The following PRKG1 variants were observed in gnomAD, a reference collection of about 807,000 sequenced individuals.
PRKG1 encodes protein kinase cGMP-dependent 1.
Under a neutral mutation model 88.1 loss-of-function variants are expected in PRKG1, and 35 were observed. The observed-to-expected ratio is 0.40, with a 90% CI of 0.30 to 0.53. The LOEUF is 0.53. Ranked by LOEUF, PRKG1 falls within the 20% of genes least tolerant of loss-of-function variation. The probability of loss-of-function intolerance (pLI) is 0.59; values close to 1 mark genes in which losing one functional copy is unlikely to be tolerated. For synonymous variants in PRKG1, 303 were observed against 292.5 expected, an observed-to-expected ratio of 1.04 and a Z score of -0.37; for missense variants, 540 against 839.8, an observed-to-expected ratio of 0.64 and a Z score of 4.41.
intron 5 of PRKG1, among the ~76,000 whole-genome samples, chr10:51,932,724 A>G (rs1037446489): frequency 6.6e-6 from 1 of 152,074 alleles, no homozygotes; most frequent in Non-Finnish European, 1.5e-5. Context: ...GCTTGTGAAA[A>G]ATTGAGTCTT....
At chr10:52,262,464 T>C (rs928485755) in intron 10 of PRKG1, among the ~76,000 whole-genome samples, 1 of 152,046 alleles carries the variant, frequency 6.6e-6, no homozygotes, top group Non-Finnish European at 1.5e-5. Context: ...AGAGATGAAG[T>C]TTCACCATGT....
intron 4 of PRKG1, among the ~76,000 whole-genome samples, chr10:51,874,386 T>C (rs1480661430): frequency 6.6e-6 from 1 of 152,208 alleles, no homozygotes; most frequent in Non-Finnish European, 1.5e-5. Context: ...CAAGAGAGCA[T>C]GAAAGCCGAG....
At chr10:51,537,663 G>C (rs774460724) in intron 3 of PRKG1, among the ~76,000 whole-genome samples, 1 of 149,014 alleles carries the variant, frequency 6.7e-6, no homozygotes, top group African/African-American at 2.4e-5. Flanking sequence ...AGGAGGCAGA[G>C]GTTGCAGTGA....
At chr10:51,465,603 G>T (rs1263021232) in intron 2 of PRKG1, among the ~76,000 whole-genome samples, 1 of 152,150 alleles carries the variant, frequency 6.6e-6, no homozygotes, top group Non-Finnish European at 1.5e-5. Flanking sequence ...CAAAGCCATT[G>T]CATTAATCTA....
intron 2 of PRKG1, among the ~76,000 whole-genome samples, chr10:51,273,888 G>A (rs1589301019): frequency 6.6e-6 from 1 of 152,218 alleles, no homozygotes; most frequent in African/African-American, 2.4e-5. Context: ...TTAGTTTCCT[G>A]AGTAGACAGC....
At chr10:51,880,154 T>C (rs186774421) in intron 4 of PRKG1, among the ~76,000 whole-genome samples, 1 of 152,340 alleles carries the variant, frequency 6.6e-6, no homozygotes, top group East Asian at 1.9e-4. Context: ...TGATACTATA[T>C]GTTTAAATTA....
rs963768142 is a variant in PRKG1 at position 52,048,719 on chromosome 10, T to A, written c.763-5765T>A. On this transcript the variant is annotated intron_variant, in intron 5 of 17. Transcript: ENST00000373980. ...GCAATGAGAAGACAGGTTTTTTAAC[T>A]CACAAGTTTTAGAAATAAAAGTTCA... Among the ~76,000 whole-genome samples, 4 of 152,308 alleles carry A rather than the reference T, an allele frequency of 2.6e-5. No individual in the cohort carries two copies. In the South Asian group the frequency reaches 8.3e-4, roughly 32 times the overall value.
intron 7 of PRKG1, chr10:52,062,916 A>G: frequency 3.1e-6 from 2 of 655,438 alleles, no homozygotes; most frequent in Non-Finnish European, 2.8e-6. Flanking sequence ...AACTTCAAAG[A>G]GAGGAATTCC....
At chr10:51,538,766 T>C (rs2132107781) in intron 3 of PRKG1, among the ~76,000 whole-genome samples, 1 of 152,176 alleles carries the variant, frequency 6.6e-6, no homozygotes, top group South Asian at 2.1e-4. Context: ...TTGGTTGTCC[T>C]GAACTTTTCC....
intron 7 of PRKG1, among the ~76,000 whole-genome samples, chr10:52,078,905 A>G (rs1247282818): frequency 6.6e-6 from 1 of 152,216 alleles, no homozygotes; most frequent in Non-Finnish European, 1.5e-5. Context: ...TACAGTTTTT[A>G]TTATCCCTTT....
At chr10:51,153,424 C>A in intron 2 of PRKG1, 94 bp downstream of exon 2, 2 of 1,213,374 alleles carry the variant, frequency 1.6e-6, no homozygotes, top group African/African-American at 1.6e-5. Flanking sequence ...TGGAAAATTC[C>A]ATTTTTCCTT....
chr10:51,998,148 T>A (rs12240845), intron 5 of PRKG1, among the ~76,000 whole-genome samples: 2,583 of 152,330 alleles, frequency 0.017, 67 homozygotes, highest in African/African-American at 0.058. Context: ...CTACATTTTT[T>A]AAAAATACTA....
chr10:51,093,834 ACG>A (rs1844460197), intron 1 of PRKG1, among the ~76,000 whole-genome samples: 2 of 145,948 alleles, frequency 1.4e-5, no homozygotes, highest in African/African-American at 2.6e-5. Context: ...ACACACACAC[ACG>A]CCATGCACTC....
intron 1 of PRKG1, among the ~76,000 whole-genome samples, chr10:51,050,245 C>G (rs1428799499): frequency 6.6e-6 from 1 of 151,846 alleles, no homozygotes; most frequent in Non-Finnish European, 1.5e-5. Flanking sequence ...AGGCACTATT[C>G]TGCGCCTCTA....
At chr10:51,639,356 C>T (rs1022906700) in intron 3 of PRKG1, among the ~76,000 whole-genome samples, 2 of 141,938 alleles carry the variant, frequency 1.4e-5, no homozygotes, top group Non-Finnish European at 3.0e-5. Flanking sequence ...ATGGCGTGAA[C>T]CTCGGAGGCC....
intron 9 of PRKG1, among the ~76,000 whole-genome samples, chr10:52,239,560 G>A (rs1254792341): frequency 6.2e-5 from 8 of 129,120 alleles, no homozygotes; most frequent in African/African-American, 2.3e-4. Context: ...TGTCATAATA[G>A]GCCTGAATGC....
intron 4 of PRKG1, among the ~76,000 whole-genome samples, chr10:51,838,483 G>A (rs1840186179): frequency 6.6e-6 from 1 of 152,324 alleles, no homozygotes; most frequent in African/African-American, 2.4e-5. Flanking sequence ...TTTCCGAAAG[G>A]AAGTGTCCTC....
chr10:51,042,177 G>A (rs1326488240), intron 1 of PRKG1, among the ~76,000 whole-genome samples: 3 of 152,066 alleles, frequency 2.0e-5, no homozygotes, highest in African/African-American at 7.2e-5. Flanking sequence ...CCTGGTCTTG[G>A]ACCCTTAAAA....
At chr10:51,464,880 G>A (rs866436425) in intron 2 of PRKG1, among the ~76,000 whole-genome samples, 7 of 109,540 alleles carry the variant, frequency 6.4e-5, no homozygotes, top group African/African-American at 2.3e-4. Context: ...GACAGAGCGA[G>A]ACTCCGTCTC....
Sources: gnomAD v4.1 joint callset for allele counts (sites outside exome capture counted in the v4.1 genomes callset) on GRCh38, gnomAD v4.1.1 for gene constraint, MANE v1.5 for transcripts, NCBI Gene and HGNC (gene_info 2026-07-23, HGNC 2026-07-21) for gene names.